The following MYLK4 variants were observed in gnomAD, a reference collection of about 807,000 sequenced individuals.
MYLK4 encodes the protein myosin light chain kinase family member 4, also known as caMLCK like.
In MYLK4, 46 loss-of-function variants were observed where a neutral mutation model predicts 48.1. The observed-to-expected ratio is 0.96, with a 90% CI of 0.75 to 1.22. MYLK4 has a LOEUF of 1.22. MYLK4 is among the 50% of genes most tolerant of loss of function. The pLI is 0.00. For missense variants in MYLK4, 451 were observed against 486.1 expected (o/e 0.93, Z 0.68); for synonymous variants, 170 against 180.8 (o/e 0.94, Z 0.48).
chr6:2,674,154 T>C (rs1253287124), intron 11 of MYLK4, among the ~76,000 whole-genome samples: 2 of 152,218 alleles, frequency 1.3e-5, no homozygotes, highest in Non-Finnish European at 2.9e-5. Flanking sequence ...TATAAACATC[T>C]GGTAATTAAG....
chr6:2,747,125 T>G (rs1393756473), intron 2 of MYLK4, among the ~76,000 whole-genome samples: 2 of 152,214 alleles, frequency 1.3e-5, no homozygotes, highest in Non-Finnish European at 2.9e-5. Context: ...GGGTGTCAAC[T>G]GCAGGACGGA....
At chr6:2,764,968 T>A in the MYLK4 span, among the ~76,000 whole-genome samples, 1 of 152,198 alleles carries the variant, frequency 6.6e-6, no homozygotes, top group Non-Finnish European at 1.5e-5. Context: ...CCATTTCCCT[T>A]TCGTTACAAA....
intron 2 of MYLK4, among the ~76,000 whole-genome samples, chr6:2,745,130 T>A (rs143595843): frequency 3.0e-4 from 46 of 152,098 alleles, no homozygotes; most frequent in African/African-American, 1.1e-3. Flanking sequence ...AGGAAAGCAG[T>A]GAGAAGCACG....
rs542155045 is a variant in MYLK4 at position 2,695,278 on chromosome 6, T to C, written c.160-2419A>G. Among the ~76,000 whole-genome samples, 6 of 152,350 alleles carry C rather than the reference T, an allele frequency of 3.9e-5. No individual in the cohort carries two copies. In the South Asian group the frequency reaches 1.2e-3, roughly 32 times the overall value. ...TTTATTCTGTGTGGCATGAATGCAATGATATAAGCATACGTGGATTTAATA... is the reference window on the plus strand; with the variant it reads ...TTTATTCTGTGTGGCATGAATGCAACGATATAAGCATACGTGGATTTAATA... On this transcript the variant is annotated intron_variant, in intron 2 of 12. Coordinates refer to ENST00000274643, the MANE Select transcript of MYLK4 (RefSeq NM_001012418.5).
intron 2 of MYLK4, among the ~76,000 whole-genome samples, chr6:2,714,576 A>T (rs1762800310): frequency 6.6e-6 from 1 of 152,220 alleles, no homozygotes; most frequent in South Asian, 2.1e-4. Context: ...CTGCATCAGA[A>T]TTATCATATG....
At chr6:2,713,044 CA>C (rs1762731172) in intron 2 of MYLK4, among the ~76,000 whole-genome samples, 1 of 152,186 alleles carries the variant, frequency 6.6e-6, no homozygotes, top group African/African-American at 2.4e-5. Context: ...GGCCAAGATA[CA>C]GTGACACATG....
intron 1 of MYLK4, among the ~76,000 whole-genome samples, chr6:2,749,612 A>G (rs1207517885): frequency 6.6e-6 from 1 of 152,240 alleles, no homozygotes; most frequent in African/African-American, 2.4e-5. Flanking sequence ...TAAAACTACA[A>G]AAGCAAACAG....
chr6:2,700,233 T>G (rs960142599), intron 2 of MYLK4, among the ~76,000 whole-genome samples: 1 of 152,142 alleles, frequency 6.6e-6, no homozygotes, highest in Non-Finnish European at 1.5e-5. Context: ...GTTTTTGTTA[T>G]CCAAACTGTT....
Position 2,678,453 on chromosome 6 carries a change from C to A in MYLK4, c.888-81G>T, listed in dbSNP as rs559317433. The A allele has an allele frequency of 1.7e-5, 25 of 1,456,204 alleles. No individual in the cohort carries two copies. In the East Asian group the frequency reaches 2.3e-4, roughly 14 times the overall value. 90.2% of individuals were successfully genotyped at this position (1,456,204 alleles called of 1,614,324 possible). On this transcript the variant is annotated intron_variant, in intron 9 of 12. Transcript: ENST00000274643. ...ATACAGATTGCTTTTCTGGTTGTGC[C>A]ATTTAAAGGTGAGAGAAGGAAAATA...
At chr6:2,719,169 A>T (rs1234890035) in intron 2 of MYLK4, among the ~76,000 whole-genome samples, 1 of 152,226 alleles carries the variant, frequency 6.6e-6, no homozygotes, top group Non-Finnish European at 1.5e-5. Flanking sequence ...CAGGACATGC[A>T]GCTAAATCTT....
chr6:2,678,978 A>G (rs1000078615), intron 9 of MYLK4, among the ~76,000 whole-genome samples: 1 of 152,176 alleles, frequency 6.6e-6, no homozygotes, highest in African/African-American at 2.4e-5. Flanking sequence ...CTGGGATTAC[A>G]GGCTTGAGCC....
At chr6:2,699,271 ACTTTT>A (rs1284972830) in intron 2 of MYLK4, among the ~76,000 whole-genome samples, 73 of 98,566 alleles carry the variant, frequency 7.4e-4, no homozygotes, top group African/African-American at 2.7e-3. Flanking sequence ...GCATGCTACC[ACTTTT>A]CTTTTCTTTT....
At chr6:2,690,029 A>T (rs1761712645) in intron 3 of MYLK4, among the ~76,000 whole-genome samples, 1 of 152,226 alleles carries the variant, frequency 6.6e-6, no homozygotes, top group Non-Finnish European at 1.5e-5. Flanking sequence ...CACAAGCGGC[A>T]TCGAAATGGC....
chr6:2,746,207 C>T (rs1764089285), intron 2 of MYLK4, among the ~76,000 whole-genome samples: 1 of 151,688 alleles, frequency 6.6e-6, no homozygotes, highest in Non-Finnish European at 1.5e-5. Context: ...ACGGAGGTTG[C>T]AGTGAGCTGA....
intron 11 of MYLK4, among the ~76,000 whole-genome samples, chr6:2,674,826 G>A (rs1286400376): frequency 6.6e-6 from 1 of 152,206 alleles, no homozygotes; most frequent in Non-Finnish European, 1.5e-5. Flanking sequence ...AGCTGAGATC[G>A]TGCCATTGCA....
At chr6:2,755,623 C>A (rs1444577895), upstream of MYLK4, among the ~76,000 whole-genome samples, 1 of 152,160 alleles carries the variant, frequency 6.6e-6, no homozygotes, top group Admixed American at 6.6e-5. Context: ...CTCACTGCAG[C>A]CTTGACCTTG....
intron 6 of MYLK4, among the ~76,000 whole-genome samples, chr6:2,684,129 C>T (rs925199841): frequency 3.3e-5 from 5 of 152,218 alleles, no homozygotes. Flanking sequence ...AGCTGCACTA[C>T]TCTTGTGTCT....
At chr6:2,739,959 G>A (rs1763834151) in intron 2 of MYLK4, among the ~76,000 whole-genome samples, 1 of 152,192 alleles carries the variant, frequency 6.6e-6, no homozygotes, top group Admixed American at 6.5e-5. Context: ...CCACTGGGAG[G>A]GCAGGGCCAG....
At position 2,722,510 on chromosome 6, in the gene MYLK4, G is replaced by GCA. The variant is rs1763104691; in HGVS notation, c.159+26625_159+26626insTG. ...TGAGAGCAGGAAGTAGGACATAAAA[G>GCA]GAGTGTGTGTGTGTGTGTGTGTGTG... On this transcript the variant is annotated intron_variant, in intron 2 of 12. Coordinates refer to ENST00000274643, the MANE Select transcript of MYLK4 (RefSeq NM_001012418.5). Among the ~76,000 whole-genome samples the GCA allele has an allele frequency of 3.8e-5, 4 of 105,304 alleles. No homozygotes were observed. In the Admixed American group the frequency reaches 4.4e-4, roughly 12 times the overall value. The allele number at this position is 105,304 out of a possible 152,430, so 69.1% of individuals were successfully genotyped here.
Sources: gnomAD v4.1 joint callset for allele counts (sites outside exome capture counted in the v4.1 genomes callset) on GRCh38, gnomAD v4.1.1 for gene constraint, MANE v1.5 for transcripts, NCBI Gene and HGNC (gene_info 2026-07-23, HGNC 2026-07-21) for gene names.